STRN: variants seen among roughly 807,000 people sequenced by gnomAD.
STRN encodes striatin.
STRN carries 53 observed loss-of-function variants against 96.3 expected under a neutral mutation model. That is an observed-to-expected ratio of 0.55 (90% CI 0.44 to 0.69). The LOEUF is 0.69. Ranked by LOEUF, STRN falls within the 30% of genes least tolerant of loss-of-function variation. The pLI is 0.00. For missense variants in STRN, 987 were observed against 963.9 expected, an observed-to-expected ratio of 1.02 and a Z score of -0.32; for synonymous variants, 428 against 355.9, an observed-to-expected ratio of 1.20 and a Z score of -2.28.
At chr2:36,927,962 A>G (rs922232663) in intron 1 of STRN, among the ~76,000 whole-genome samples, 6 of 152,216 alleles carry the variant, frequency 3.9e-5, no homozygotes, top group Non-Finnish European at 8.8e-5. Context: ...AACCCAAATG[A>G]CCACCTAAAG....
At chr2:36,923,958 C>T (rs763385909) in intron 2 of STRN, among the ~76,000 whole-genome samples, 5 of 151,966 alleles carry the variant, frequency 3.3e-5, no homozygotes, top group African/African-American at 9.7e-5. Flanking sequence ...TACTTGTGAC[C>T]CAAATTTAGT....
intron 3 of STRN, among the ~76,000 whole-genome samples, chr2:36,906,813 C>T (rs1572664853): frequency 6.6e-6 from 1 of 151,808 alleles, no homozygotes; most frequent in African/African-American, 2.4e-5. Context: ...CCCAACTACT[C>T]GGGAGGCTGA....
At chr2:36,925,272 T>C in intron 1 of STRN, 64 bp from the exon 2 acceptor site, 1 of 1,098,368 alleles carries the variant, frequency 9.1e-7, no homozygotes, top group South Asian at 1.3e-5. Flanking sequence ...TTTAACTCAG[T>C]AAAGAACCAT....
intron 11 of STRN, 151 bp downstream of exon 11, chr2:36,869,403 T>C (rs980673106): frequency 1.3e-6 from 1 of 785,568 alleles, no homozygotes; most frequent in Non-Finnish European, 1.9e-6. Context: ...CATTAGGTTG[T>C]ATAAATGGAA....
chr2:36,868,092 C>T (rs1258435590), intron 11 of STRN, among the ~76,000 whole-genome samples: 1 of 152,120 alleles, frequency 6.6e-6, no homozygotes. Flanking sequence ...CTGTCATAAT[C>T]TATTTGACTA....
Position 36,905,522 on chromosome 2 carries a change from T to G in STRN, c.491+18A>C. 6.2e-7 allele frequency: 1 copy of G among 1,610,618 alleles called. No individual in the cohort carries two copies. The highest frequency in any genetic ancestry group is 1.1e-5 in the South Asian group (1 of 90,792). On this transcript the variant is annotated intron_variant, in intron 4 of 17. Coordinates refer to ENST00000263918, the MANE Select transcript of STRN (RefSeq NM_003162.4). ...TCTTGTCTTCAGCCATTTATAAGTTTCACCATGAGACACTTACTGTCTGAG... is the reference window on the plus strand; with the variant it reads ...TCTTGTCTTCAGCCATTTATAAGTTGCACCATGAGACACTTACTGTCTGAG...
chr2:36,929,573 C>T (rs1182632285), intron 1 of STRN, among the ~76,000 whole-genome samples: 3 of 152,120 alleles, frequency 2.0e-5, no homozygotes, highest in Non-Finnish European at 4.4e-5. Flanking sequence ...TTAGTAGAGA[C>T]AGGGTTTTAC....
intron 11 of STRN, among the ~76,000 whole-genome samples, chr2:36,868,584 A>G (rs183631945): frequency 6.6e-6 from 1 of 152,330 alleles, no homozygotes; most frequent in East Asian, 1.9e-4. Flanking sequence ...CACAATGTAT[A>G]ACCAGTAAAC....
At chr2:36,917,520 T>C (rs1670135586) in intron 2 of STRN, among the ~76,000 whole-genome samples, 2 of 133,876 alleles carry the variant, frequency 1.5e-5, no homozygotes, top group African/African-American at 5.8e-5. Flanking sequence ...TGAGACCCTG[T>C]CTCAAAAACA....
At chr2:36,867,892 T>C in intron 11 of STRN, 31 bp from the exon 12 acceptor site, 1 of 1,520,094 alleles carries the variant, frequency 6.6e-7, no homozygotes, top group Non-Finnish European at 8.9e-7. Flanking sequence ...TTTACCATTC[T>C]AAGTGTCAGT....
Position 36,869,537 on chromosome 2 carries a change from AAGT to A in STRN, c.1499+14_1499+16del. ...TACTTAAAATATTCAAATAATGTTAAAGTAGAATATTCTCACTTTTTGGCTGGG... is the reference window on the plus strand; with the variant it reads ...TACTTAAAATATTCAAATAATGTTAAAGAATATTCTCACTTTTTGGCTGGG... On this transcript the variant is annotated intron_variant, in intron 11 of 17. Coordinates refer to ENST00000263918, the MANE Select transcript of STRN (RefSeq NM_003162.4). 1 of 1,490,702 alleles carries A rather than the reference AAGT, an allele frequency of 6.7e-7. No homozygotes were observed. Among genetic ancestry groups the A allele is most frequent in the Non-Finnish European group, 9.0e-7 (1 of 1,113,578 alleles). The allele number at this position is 1,490,702 out of a possible 1,614,324, so 92.3% of individuals were successfully genotyped here.
In STRN at chr2:36,840,061, C is replaced by A. The variant is rs1480375072; in HGVS notation, c.*9395G>T. On this transcript the variant is annotated 3_prime_UTR_variant, in exon 18 of 18. Coordinates refer to ENST00000263918, the MANE Select transcript of STRN (RefSeq NM_003162.4). ...GAACTTTGTCCCAGAATTTTCCTCT[C>A]CAAAGAAAGCTCCCCAGAGGGATGC... 6.6e-6 allele frequency: 1 copy of A among 152,222 alleles called. No individual in the cohort carries two copies. The highest frequency in any genetic ancestry group is 2.4e-5 in the African/African-American group (1 of 41,434). The allele number at this position is 152,222 out of a possible 1,614,324, so 9.4% of individuals were successfully genotyped here.
chr2:36,956,397 T>G (rs988938039), intron 1 of STRN, among the ~76,000 whole-genome samples: 1 of 152,208 alleles, frequency 6.6e-6, no homozygotes. Context: ...GTGATAGAGA[T>G]GTCTGACTCT....
rs552527918 is a variant in STRN, at chr2:36,909,135, A to G, written c.413-3517T>C. On this transcript the variant is annotated intron_variant, in intron 3 of 17. Coordinates refer to ENST00000263918, the MANE Select transcript of STRN (RefSeq NM_003162.4). ...TGCACCACTGCACTGCAGCCTGGGC[A>G]ACAGAGCTAGAGACTTCATCTCAAA... Among the ~76,000 whole-genome samples the G allele has an allele frequency of 6.0e-5, 9 of 151,116 alleles. No homozygotes were observed. In the South Asian group the frequency reaches 1.9e-3, roughly 32 times the overall value.
chr2:36,878,514 G>A (rs1048232659), intron 9 of STRN, among the ~76,000 whole-genome samples: 2 of 151,984 alleles, frequency 1.3e-5, no homozygotes, highest in Non-Finnish European at 2.9e-5. Context: ...TATATGTGGC[G>A]TTATAAGTCA....
chr2:36,938,807 T>C (rs1335198238), intron 1 of STRN, among the ~76,000 whole-genome samples: 1 of 152,204 alleles, frequency 6.6e-6, no homozygotes, highest in Non-Finnish European at 1.5e-5. Flanking sequence ...AAGTTCTCTA[T>C]TAGACATAAT....
chr2:36,895,946 T>A (rs1669531027), intron 6 of STRN, among the ~76,000 whole-genome samples: 1 of 151,404 alleles, frequency 6.6e-6, no homozygotes, highest in Non-Finnish European at 1.5e-5. Flanking sequence ...AAAAAACAGG[T>A]GTATCTGAAG....
chr2:36,905,348 T>C (rs1669793648), intron 4 of STRN, among the ~76,000 whole-genome samples, 192 bp downstream of exon 4: 1 of 152,240 alleles, frequency 6.6e-6, no homozygotes, highest in Non-Finnish European at 1.5e-5. Flanking sequence ...TATAAAATTC[T>C]TTTAACTACG....
intron 2 of STRN, among the ~76,000 whole-genome samples, chr2:36,920,301 C>A (rs1038896721): frequency 4.6e-5 from 7 of 152,146 alleles, no homozygotes; most frequent in African/African-American, 1.7e-4. Flanking sequence ...CAAATAGTGC[C>A]ATAACATCAA....
Sources: allele counts gnomAD v4.1 joint callset (sites outside exome capture counted in the v4.1 genomes callset), GRCh38; gene constraint gnomAD v4.1.1; transcripts MANE v1.5; gene names NCBI Gene and HGNC (gene_info 2026-07-23, HGNC 2026-07-21).